The following FTO variants were observed in gnomAD, a reference collection of about 807,000 sequenced individuals.
The protein encoded by FTO is FTO alpha-ketoglutarate dependent dioxygenase, also known as alpha-ketoglutarate-dependent dioxygenase FTO.
In FTO, 47 loss-of-function variants were observed where a neutral mutation model predicts 63.9. The ratio of observed to expected loss-of-function variants is 0.74; its 90% CI spans 0.58 to 0.94. FTO has a LOEUF of 0.94. Ranked by LOEUF, FTO falls within the 40% of genes least tolerant of loss-of-function variation. FTO has a pLI of 0.00. For synonymous variants in FTO, 207 were observed against 224.4 expected (o/e 0.92, Z 0.69); for missense variants, 562 against 618.1 (o/e 0.91, Z 0.96).
chr16:54,026,865 G>A (rs2084725448), intron 8 of FTO, among the ~76,000 whole-genome samples: 1 of 152,172 alleles, frequency 6.6e-6, no homozygotes, highest in African/African-American at 2.4e-5. Context: ...AATGTGCCAT[G>A]CCATTTTTCT....
intron 1 of FTO, among the ~76,000 whole-genome samples, chr16:53,728,314 C>A (rs1377214290): frequency 1.3e-5 from 2 of 152,110 alleles, no homozygotes; most frequent in Admixed American, 6.5e-5. Flanking sequence ...TCGTTGTGTT[C>A]CAACTCTTTT....
intron 1 of FTO, among the ~76,000 whole-genome samples, chr16:53,784,179 T>C (rs1405548991): frequency 1.3e-5 from 2 of 152,238 alleles, no homozygotes; most frequent in African/African-American, 2.4e-5. Flanking sequence ...CCTTAAAGAT[T>C]CTATGTACTT....
intron 8 of FTO, among the ~76,000 whole-genome samples, chr16:54,007,457 G>C (rs1362851614): frequency 1.8e-4 from 28 of 152,124 alleles, no homozygotes; most frequent in African/African-American, 6.8e-4. Context: ...CCCTTTCCCT[G>C]TTTGGCTCTT....
intron 2 of FTO, among the ~76,000 whole-genome samples, chr16:53,815,368 C>T (rs2078645779): frequency 6.6e-6 from 1 of 152,124 alleles, no homozygotes; most frequent in Non-Finnish European, 1.5e-5. Context: ...GTCACTGGGT[C>T]CCTGGTGGTT....
At chr16:53,910,590 G>A (rs978663925) in intron 7 of FTO, among the ~76,000 whole-genome samples, 1 of 152,088 alleles carries the variant, frequency 6.6e-6, no homozygotes, top group Non-Finnish European at 1.5e-5. Context: ...AGGCTGGAGT[G>A]CAGTGGTGTG....
At chr16:53,856,929 C>T (rs993249502) in intron 4 of FTO, among the ~76,000 whole-genome samples, 2 of 152,158 alleles carry the variant, frequency 1.3e-5, no homozygotes, top group Non-Finnish European at 2.9e-5. Flanking sequence ...GCTCTCTCTA[C>T]CCCCTCATCT....
intron 8 of FTO, among the ~76,000 whole-genome samples, chr16:53,997,142 A>AAG (rs71380054): frequency 1.6e-4 from 23 of 143,668 alleles, no homozygotes; most frequent in Admixed American, 5.6e-4. Flanking sequence ...GAAGGAAAGA[A>AAG]AGAGAGAGAG....
chr16:53,722,395 C>A (rs757863083), intron 1 of FTO, among the ~76,000 whole-genome samples: 1 of 152,160 alleles, frequency 6.6e-6, no homozygotes, highest in Non-Finnish European at 1.5e-5. Context: ...TGACTCTCAG[C>A]ATTTCTTGTC....
At chr16:53,804,116 C>A (rs2078294477) in intron 1 of FTO, among the ~76,000 whole-genome samples, 2 of 152,200 alleles carry the variant, frequency 1.3e-5, no homozygotes, top group Admixed American at 6.5e-5. Flanking sequence ...TCATTTACAT[C>A]TCACAGGGAG....
intron 8 of FTO, among the ~76,000 whole-genome samples, chr16:53,970,262 C>T (rs1404733001): frequency 1.3e-5 from 2 of 152,046 alleles, no homozygotes; most frequent in African/African-American, 4.8e-5. Context: ...AGGAATTGGG[C>T]AGGTGACATA....
Position 54,112,094 on chromosome 16 carries a change from C to A in FTO, c.*179C>A. The A allele has an allele frequency of 1.5e-6, 1 of 669,702 alleles. No individual in the cohort carries two copies. The highest frequency in any genetic ancestry group is 2.6e-6 in the Non-Finnish European group (1 of 383,816). The allele number at this position is 669,702 out of a possible 1,614,324, so 41.5% of individuals were successfully genotyped here. A position where few individuals can be genotyped will look rare whatever the true frequency, so the allele number is the denominator to read the frequency against. On this transcript the variant is annotated 3_prime_UTR_variant, in exon 9 of 9. Coordinates refer to ENST00000471389, the MANE Select transcript of FTO (RefSeq NM_001080432.3). ...GAAGTTTTAAATGTTTTAAAATGAC[C>A]CTGTGTTATAGTCTGATTTGGTGTT...
At chr16:53,862,626 C>G (rs918577429) in intron 4 of FTO, among the ~76,000 whole-genome samples, 4 of 148,248 alleles carry the variant, frequency 2.7e-5, no homozygotes, top group African/African-American at 1.0e-4. Flanking sequence ...ACCTCTGCCT[C>G]CCAGGTTCAA....
At chr16:54,079,425 T>C (rs921297588) in intron 8 of FTO, among the ~76,000 whole-genome samples, 1 of 152,186 alleles carries the variant, frequency 6.6e-6, no homozygotes, top group South Asian at 2.1e-4. Context: ...TAAATTTTAC[T>C]AGAGTTAGGG....
chr16:53,826,057 A>C lies in FTO; in HGVS notation c.317A>C (p.Tyr106Ser). The C allele has an allele frequency of 6.2e-7, 1 of 1,614,186 alleles. No individual in the cohort carries two copies. The highest frequency in any genetic ancestry group is 8.5e-7 in the Non-Finnish European group (1 of 1,180,030). Residue 106 changes from tyrosine to serine, a missense_variant, in exon 3 of 9, where the codon TAC (tyrosine) becomes TCC (serine). Tyr to Ser is a moderately radical substitution (Grantham distance 144). Coordinates refer to ENST00000471389, the MANE Select transcript of FTO (RefSeq NM_001080432.3). The stretch of plus-strand genomic sequence containing the variant: ...CTCATTGGTAATCCAGGCTGCACCT[A>C]CAAGTACCTGAACACCAGGCTCTTT... Reference protein sequence around the residue: ...RILIGNPGCTYKYLNTRLFTV... With the variant: ...RILIGNPGCTSKYLNTRLFTV...
Position 53,783,048 on chromosome 16 carries a change from A to ATGTTTGT in FTO, c.46-27092_46-27091insTGTTTGT, listed in dbSNP as rs574856582. 3.9e-3 allele frequency among the ~76,000 whole-genome samples: 591 copies of ATGTTTGT among 152,324 alleles called. 5 individuals are homozygous for ATGTTTGT. The highest frequency in any genetic ancestry group is 0.013 in the African/African-American group (557 of 41,574). On this transcript the variant is annotated intron_variant, in intron 1 of 8. Coordinates refer to ENST00000471389, the MANE Select transcript of FTO (RefSeq NM_001080432.3). ...TCAGTAATTTAACAAACATCGATTG[A>ATGTTTGT]ACCTATTATGTATCAGGCACTATAC...
At chr16:53,769,345 A>C (rs2151627188) in intron 1 of FTO, among the ~76,000 whole-genome samples, 1 of 152,288 alleles carries the variant, frequency 6.6e-6, no homozygotes, top group Non-Finnish European at 1.5e-5. Context: ...CTTGAGTACT[A>C]GCTCTGTCAC....
intron 3 of FTO, among the ~76,000 whole-genome samples, chr16:53,828,751 TGCA>T (rs1391060845): frequency 1.3e-5 from 2 of 152,252 alleles, no homozygotes; most frequent in African/African-American, 2.4e-5. Flanking sequence ...TTCATGGTGA[TGCA>T]GCAAGTAATT....
intron 1 of FTO, among the ~76,000 whole-genome samples, chr16:53,743,301 C>T (rs1369162638): frequency 6.6e-6 from 1 of 152,014 alleles, no homozygotes; most frequent in Non-Finnish European, 1.5e-5. Context: ...TTCTCCCAGT[C>T]GATGGTTGTG....
At chr16:53,880,569 G>A (rs1487830512) in intron 6 of FTO, among the ~76,000 whole-genome samples, 1 of 152,158 alleles carries the variant, frequency 6.6e-6, no homozygotes, top group African/African-American at 2.4e-5. Context: ...AAGGTAGCAA[G>A]TTCAAGATCA....
Sources: gnomAD v4.1 joint callset for allele counts (sites outside exome capture counted in the v4.1 genomes callset) on GRCh38, gnomAD v4.1.1 for gene constraint, MANE v1.5 for transcripts, NCBI Gene and HGNC (gene_info 2026-07-23, HGNC 2026-07-21) for gene names.